Variants in INIP observed in about 807,000 individuals in gnomAD.
INIP encodes SOSS complex subunit C.
In INIP, 9 loss-of-function variants were observed where a neutral mutation model predicts 14.0. The ratio of observed to expected loss-of-function variants is 0.64; its 90% CI spans 0.39 to 1.12. The LOEUF (loss-of-function observed/expected upper bound fraction) is 1.12, where lower values mean the gene tolerates loss of function less well. INIP is among the 50% of genes most tolerant of loss of function. INIP has a pLI of 0.01. For missense variants in INIP, 78 were observed against 122.7 expected, an observed-to-expected ratio of 0.64 and a Z score of 1.72; for synonymous variants, 37 against 41.5, an observed-to-expected ratio of 0.89 and a Z score of 0.41.
intron 2 of INIP, among the ~76,000 whole-genome samples, chr9:112,711,557 C>T (rs1383364868): frequency 1.3e-5 from 2 of 152,170 alleles, no homozygotes; most frequent in Admixed American, 1.3e-4. Context: ...TGGTTTTTAG[C>T]AGCATGTTAT....
intron 2 of INIP, among the ~76,000 whole-genome samples, chr9:112,698,581 T>A (rs1335768212): frequency 6.6e-6 from 1 of 152,098 alleles, no homozygotes; most frequent in African/African-American, 2.4e-5. Flanking sequence ...ATTTAGAGAA[T>A]CAGAAGTAAC....
At chr9:112,689,038 T>A (rs1489575345) in intron 4 of INIP, among the ~76,000 whole-genome samples, 1 of 152,166 alleles carries the variant, frequency 6.6e-6, no homozygotes, top group Non-Finnish European at 1.5e-5. Context: ...GAAGAGTATT[T>A]TTTTTAACTG....
chr9:112,700,733 A>T (rs1838270054), intron 2 of INIP, among the ~76,000 whole-genome samples: 1 of 151,860 alleles, frequency 6.6e-6, no homozygotes, highest in African/African-American at 2.4e-5. Context: ...GTCAAGAAGG[A>T]AGAGCCTCAC....
At chr9:112,702,134 G>C (rs1020574830) in intron 2 of INIP, among the ~76,000 whole-genome samples, 2 of 152,116 alleles carry the variant, frequency 1.3e-5, no homozygotes, top group Non-Finnish European at 2.9e-5. Flanking sequence ...CTCTGATAAT[G>C]TCTAAATTTT....
At chr9:112,715,129 T>TACACAC (rs1408313814) in intron 2 of INIP, among the ~76,000 whole-genome samples, 88 of 100,988 alleles carry the variant, frequency 8.7e-4, no homozygotes, top group Non-Finnish European at 1.5e-3. Context: ...CATACATACA[T>TACACAC]ACATACACAC....
At chr9:112,717,615 T>G (rs1283181653) in intron 1 of INIP, among the ~76,000 whole-genome samples, 1 of 149,812 alleles carries the variant, frequency 6.7e-6, no homozygotes, top group Non-Finnish European at 1.5e-5. Context: ...CAGCAAAGAG[T>G]GATGCCTTAG....
intron 2 of INIP, among the ~76,000 whole-genome samples, chr9:112,713,264 T>C (rs1838702632): frequency 6.6e-6 from 1 of 152,230 alleles, no homozygotes; most frequent in Admixed American, 6.5e-5. Flanking sequence ...TACTACTTCA[T>C]ACATTCTAGA....
intron 2 of INIP, among the ~76,000 whole-genome samples, chr9:112,695,817 AAGGAGAAGAAGAAGG>A: frequency 1.1e-5 from 1 of 89,086 alleles, no homozygotes; most frequent in East Asian, 3.8e-4. Flanking sequence ...GGAGAAGAAG[AAGGAGAAGAAGAAGG>A]AGAAGAAGGA....
chr9:112,695,289 T>C (rs1455981613), intron 2 of INIP, among the ~76,000 whole-genome samples: 2 of 146,448 alleles, frequency 1.4e-5, no homozygotes, highest in East Asian at 2.0e-4. Context: ...AGGACGATGA[T>C]GGCTCAGGAG....
intron 2 of INIP, among the ~76,000 whole-genome samples, chr9:112,702,353 T>C (rs1838325366): frequency 6.6e-6 from 1 of 152,196 alleles, no homozygotes; most frequent in South Asian, 2.1e-4. Flanking sequence ...AATGTTCATA[T>C]GACTAGGAGC....
intron 2 of INIP, among the ~76,000 whole-genome samples, chr9:112,698,132 A>G (rs1838157511): frequency 6.6e-6 from 1 of 151,930 alleles, no homozygotes; most frequent in Non-Finnish European, 1.5e-5. Flanking sequence ...GTGAAACCCC[A>G]TCTCTACTAA....
chr9:112,707,512 T>A (rs1245439924), intron 2 of INIP, among the ~76,000 whole-genome samples: 1 of 151,902 alleles, frequency 6.6e-6, no homozygotes, highest in Non-Finnish European at 1.5e-5. Flanking sequence ...CGCACATTTC[T>A]TTTTTTTCCT....
chr9:112,689,390 A>T (rs1429944117), intron 4 of INIP, 137 bp downstream of exon 4: 1 of 686,948 alleles, frequency 1.5e-6, no homozygotes, highest in Non-Finnish European at 2.6e-6. Context: ...GGCTTGACTG[A>T]ACATCAGCAA....
At chr9:112,705,430 C>T (rs1474713289) in intron 2 of INIP, among the ~76,000 whole-genome samples, 1 of 152,050 alleles carries the variant, frequency 6.6e-6, no homozygotes, top group Non-Finnish European at 1.5e-5. Flanking sequence ...CTGCTTCAGC[C>T]TCCCAAGTAG....
chr9:112,697,628 G>A (rs923150149), intron 2 of INIP, among the ~76,000 whole-genome samples: 3 of 152,046 alleles, frequency 2.0e-5, no homozygotes, highest in Admixed American at 2.0e-4. Flanking sequence ...CATTCTCCTA[G>A]TACCCCTACT....
chr9:112,693,052 A>C (rs1837951232), intron 3 of INIP, among the ~76,000 whole-genome samples: 1 of 149,910 alleles, frequency 6.7e-6, no homozygotes, highest in Non-Finnish European at 1.5e-5. Context: ...AAAAAGTCTG[A>C]AGGCTATGAA....
chr9:112,707,047 G>A (rs910836480), intron 2 of INIP, among the ~76,000 whole-genome samples: 1 of 152,106 alleles, frequency 6.6e-6, no homozygotes, highest in Non-Finnish European at 1.5e-5. Flanking sequence ...GAGTAGCTGG[G>A]ATTGCAAGCA....
At chr9:112,698,018 A>G (rs1030268351) in intron 2 of INIP, among the ~76,000 whole-genome samples, 2 of 152,154 alleles carry the variant, frequency 1.3e-5, no homozygotes, top group African/African-American at 4.8e-5. Flanking sequence ...GAAATGATTA[A>G]AGTAGGCTGG....
At position 112,690,862 on chromosome 9, in the gene INIP, A is replaced by C. The variant is rs912391441; in HGVS notation, c.129-1245T>G. 2.6e-5 allele frequency among the ~76,000 whole-genome samples: 4 copies of C among 152,200 alleles called. No homozygotes were observed. In the East Asian group the frequency reaches 7.7e-4, roughly 29 times the overall value. On this transcript the variant is annotated intron_variant, in intron 3 of 4. Transcript: ENST00000374242. ...GTGGCTCAGTGCGGGGTGATGCCTA[A>C]GCCACTGCAGTCATATTCTGGCCTG...
Sources: allele counts gnomAD v4.1 joint callset (sites outside exome capture counted in the v4.1 genomes callset), GRCh38; gene constraint gnomAD v4.1.1; transcripts MANE v1.5; gene names NCBI Gene and HGNC (gene_info 2026-07-23, HGNC 2026-07-21).